PKD1: variants seen among roughly 807,000 people sequenced by gnomAD.
The protein encoded by PKD1 is polycystin 1, transient receptor potential channel interacting.
Under a neutral mutation model 361.7 loss-of-function variants are expected in PKD1, and 81 were observed. That is an observed-to-expected ratio of 0.22 (90% CI 0.19 to 0.27). The LOEUF is 0.27. Ranked by LOEUF, PKD1 falls within the 10% of genes least tolerant of loss-of-function variation. The pLI is 1.00. For missense variants in PKD1, 6,399 were observed against 6,118.3 expected (o/e 1.05, Z -1.53); for synonymous variants, 3,615 against 2,818.3 (o/e 1.28, Z -8.95).
Position 2,097,408 on chromosome 16 carries a change from C to G in PKD1, c.10316G>C (p.Arg3439Pro), listed in dbSNP as rs138546384. The G allele has an allele frequency of 6.2e-7, 1 of 1,609,924 alleles. No homozygotes were observed. The highest frequency in any genetic ancestry group is 8.5e-7 in the Non-Finnish European group (1 of 1,179,902). The change falls in exon 33 of 46, where the codon CGG (arginine) becomes CCG (proline). Residue 3439 changes from arginine (R) to proline (P), a missense_variant. By Grantham distance (103) the Arg-to-Pro change is moderately radical. Transcript: ENST00000262304. ...IVGSNLRQLARGQAGHGLGPE... is the reference protein window; with the variant it reads ...IVGSNLRQLAPGQAGHGLGPE... Reference sequence around the variant, plus strand: ...GCCCAGCCCATGGCCCGCCTGGCCCCGTGCCAGCTGCCGCAGATTGCTACC... The same window carrying G: ...GCCCAGCCCATGGCCCGCCTGGCCCGGTGCCAGCTGCCGCAGATTGCTACC...
Position 2,093,739 on chromosome 16 carries a change from C to T in PKD1, c.10822-1G>A. On this transcript the variant is annotated splice_acceptor_variant, in intron 36 of 45. Transcript: ENST00000262304. LOFTEE classifies it high-confidence loss of function. ...AGAAGTACAGGGCTTCCAGCAAGAC[C>T]TGGGGAGGGGGTGGCTTCAGAGGGG... The T allele has an allele frequency of 6.3e-7, 1 of 1,580,088 alleles. No individual in the cohort carries two copies. The highest frequency in any genetic ancestry group is 8.6e-7 in the Non-Finnish European group (1 of 1,162,430).
rs2369086 is a variant in PKD1 at position 2,107,117 on chromosome 16, T to C, written c.7066-169A>G. On this transcript the variant is annotated intron_variant, in intron 16 of 45. Transcript: ENST00000262304. ...CTCATCCGGTTTGCCACCTTCCAAC[T>C]TGGACGGCGGAAGGGCATACACAGG... 12,822 of 698,006 alleles carry C rather than the reference T, an allele frequency of 0.018. 227 individuals carry two copies. The highest frequency in any genetic ancestry group is 0.043 in the African/African-American group (2,363 of 54,536). The allele number at this position is 698,006 out of a possible 1,614,324, so 43.2% of individuals were successfully genotyped here. A position where few individuals can be genotyped will look rare whatever the true frequency, so the allele number is the denominator to read the frequency against.
At chr16:2,098,316 G>C (rs937566742) in intron 30 of PKD1, 6 of 398,896 alleles carry the variant, frequency 1.5e-5, no homozygotes, top group African/African-American at 2.1e-5. Context: ...TCAGGCGATT[G>C]TCCTGGCTCA....
chr16:2,114,957 C>A, intron 10 of PKD1, 32 bp from the exon 11 acceptor site: 1 of 1,526,144 alleles, frequency 6.6e-7, no homozygotes, highest in South Asian at 1.2e-5. Context: ...TGCATCACGT[C>A]CTCACGGTCA....
intron 1 of PKD1, among the ~76,000 whole-genome samples, chr16:2,129,777 C>G (rs2092846041): frequency 6.6e-6 from 1 of 151,636 alleles, no homozygotes; most frequent in African/African-American, 2.4e-5. Context: ...TGTCAAACTC[C>G]TGGGCTCAAG....
chr16:2,088,816 G>A lies in PKD1; in HGVS notation c.*911C>T, dbSNP rs1596466432. ...CCACAGAAGTGGTACACAGAAGCAG[G>A]CACAGCCAGCTCCGAGGGCCTTGAG... On this transcript the variant is annotated 3_prime_UTR_variant, in exon 46 of 46. Transcript: ENST00000262304. 1 of 684,456 alleles carries A rather than the reference G, an allele frequency of 1.5e-6. No individual in the cohort carries two copies. Among genetic ancestry groups the A allele is most frequent in the South Asian group, 1.9e-5 (1 of 52,374 alleles). The allele number at this position is 684,456 out of a possible 1,614,324, so 42.4% of individuals were successfully genotyped here.
Position 2,093,066 on chromosome 16 carries a change from G to A in PKD1, c.11044C>T (p.Leu3682=), listed in dbSNP as rs1341783425. The A allele has an allele frequency of 1.9e-6, 3 of 1,612,712 alleles. No homozygotes were observed. Among genetic ancestry groups the A allele is most frequent in the African/African-American group, 2.7e-5 (2 of 74,906 alleles). ...RSLLVYMLFL[L]VTLLASYGDA... is the part of the protein sequence containing the mutation. ...CCATAGCTGGCCAGCAGGGTCACCAGCAGAAAAAGCATGTACACCAGGAGG... is the reference window on the plus strand; with the variant it reads ...CCATAGCTGGCCAGCAGGGTCACCAACAGAAAAAGCATGTACACCAGGAGG... The change falls in exon 38 of 46, where the codon CTG becomes TTG. Residue 3682 remains leucine, a synonymous_variant. Coordinates refer to ENST00000262304, the MANE Select transcript of PKD1 (RefSeq NM_001009944.3).
chr16:2,102,354 G>C (rs2092129526), intron 25 of PKD1, 27 bp downstream of exon 25: 3 of 1,550,242 alleles, frequency 1.9e-6, no homozygotes, highest in Middle Eastern at 2.3e-4. Context: ...ACTCTGCAGA[G>C]GCTCCCAGGA....
At chr16:2,092,020 G>A (rs368634612) in intron 40 of PKD1, 27 bp downstream of exon 40, 24 of 1,612,580 alleles carry the variant, frequency 1.5e-5, no homozygotes, top group Non-Finnish European at 1.9e-5. Flanking sequence ...CCTTGGCGTA[G>A]ACGCCCGGGG....
intron 1 of PKD1, among the ~76,000 whole-genome samples, chr16:2,122,181 G>A (rs1185639251): frequency 3.9e-5 from 6 of 152,252 alleles, no homozygotes; most frequent in East Asian, 1.9e-4. Flanking sequence ...AGCCACGGAC[G>A]GTGGAGCCAG....
At position 2,093,732 on chromosome 16, in the gene PKD1, G is replaced by A. The variant is rs1270404168; in HGVS notation, c.10828C>T (p.Leu3610=). Residue 3610 remains leucine (L), a synonymous_variant, in exon 37 of 46, where the codon CTG becomes TTG. Transcript: ENST00000262304. ...ACCAGTGAGAAGTACAGGGCTTCCA[G>A]CAAGACCTGGGGAGGGGGTGGCTTC... The part of the protein sequence containing the change: ...FLGWEPLKVL[L]EALYFSLVAK... The A allele has an allele frequency of 6.3e-6, 10 of 1,583,264 alleles. No homozygotes were observed. Among genetic ancestry groups the A allele is most frequent in the South Asian group, 5.7e-5 (5 of 87,744 alleles).
Position 2,089,458 on chromosome 16 carries a change from C to T in PKD1, c.*269G>A, listed in dbSNP as rs752472135. ...GCACAGCCCGCTGTACCTGAGGACT[C>T]GGGGAAATAAATTAGCATCTCAGAG... On this transcript the variant is annotated 3_prime_UTR_variant, in exon 46 of 46. Coordinates refer to ENST00000262304, the MANE Select transcript of PKD1 (RefSeq NM_001009944.3). The T allele has an allele frequency of 4.3e-5, 23 of 540,350 alleles. No individual in the cohort carries two copies. Among genetic ancestry groups the T allele is most frequent in the Non-Finnish European group, 6.0e-5 (18 of 301,392 alleles). 33.5% of individuals were successfully genotyped at this position (540,350 alleles called of 1,614,324 possible).
chr16:2,109,381 T>G lies in PKD1; in HGVS notation c.5786A>C (p.Glu1929Ala). Reference sequence around the variant, plus strand: ...GGAGAAACGGGGCCCGGGGAGCACCTCGGGGTTGGCCCCGCCGACCTGCAG... The same window carrying G: ...GGAGAAACGGGGCCCGGGGAGCACCGCGGGGTTGGCCCCGCCGACCTGCAG... ...FRLQVGGANP[E>A]VLPGPRFSHS... The change falls in exon 15 of 46, where the codon GAG becomes GCG. Residue 1929 changes from glutamate (E) to alanine (A), a missense_variant. By Grantham distance (107) the Glu-to-Ala change is moderately radical (BLOSUM62 -1). Transcript: ENST00000262304. 2 of 1,596,612 alleles carry G rather than the reference T, an allele frequency of 1.3e-6. No individual in the cohort carries two copies. Among genetic ancestry groups the G allele is most frequent in the Non-Finnish European group, 1.7e-6 (2 of 1,177,016 alleles).
chr16:2,092,669 G>T (rs934982579), intron 38 of PKD1, 77 bp from the exon 39 acceptor site: 171 of 1,070,554 alleles, frequency 1.6e-4, no homozygotes, highest in Non-Finnish European at 2.3e-4. Context: ...CAGAGACCCA[G>T]GGAACATGGC....
At chr16:2,096,946 C>G (rs1322312597) in intron 34 of PKD1, 1 of 603,456 alleles carries the variant, frequency 1.7e-6, no homozygotes, top group East Asian at 2.8e-5. Flanking sequence ...TGCTCCCTCC[C>G]TAGAGGGAAG....
Position 2,090,584 on chromosome 16 carries a change from A to C in PKD1, c.12145T>G (p.Ser4049Ala), listed in dbSNP as rs1469945213. ...AYAQLAILLV[S>A]SCVDSLWSVA... ...CTCCAGAGGGAGTCCACACAGGAAG[A>C]CACGAGCTGCGGGGAAGGCGACACC... Residue 4049 changes from serine to alanine, a missense_variant, in exon 45 of 46, where the codon TCT becomes GCT. Ser to Ala is a moderately conservative substitution (Grantham distance 99, BLOSUM62 1). Coordinates refer to ENST00000262304, the MANE Select transcript of PKD1 (RefSeq NM_001009944.3). 2 of 1,608,818 alleles carry C rather than the reference A, an allele frequency of 1.2e-6. No homozygotes were observed. The highest frequency in any genetic ancestry group is 1.7e-6 in the Non-Finnish European group (2 of 1,179,732).
In PKD1 at chr16:2,102,483, C is replaced by T. The variant is rs1176399608; in HGVS notation, c.9099G>A (p.Leu3033=). 6.4e-7 allele frequency: 1 copy of T among 1,570,972 alleles called. No homozygotes were observed. Among genetic ancestry groups the T allele is most frequent in the Non-Finnish European group, 8.6e-7 (1 of 1,159,978 alleles). The change falls in exon 25 of 46, where the codon CTG becomes CTA. Residue 3033 remains leucine (L), a synonymous_variant. Transcript: ENST00000262304. The part of the protein sequence containing the change: ...MVWRTEGLLP[L]EETSPRQAVC... The stretch of plus-strand genomic sequence containing the variant: ...CGGCCTGGCGGGGCGAGGTCTCCTC[C>T]AGGGGCAGCAGCCCCTCTGTCCGCC...
At chr16:2,129,168 T>G (rs993008713) in intron 1 of PKD1, among the ~76,000 whole-genome samples, 18 of 149,706 alleles carry the variant, frequency 1.2e-4, no homozygotes, top group Non-Finnish European at 1.8e-4. Flanking sequence ...CCCTGTTTTT[T>G]TTTTTTTTTT....
chr16:2,105,029 A>G (rs1339532559), intron 21 of PKD1, among the ~76,000 whole-genome samples: 9 of 32,232 alleles, frequency 2.8e-4, no homozygotes, highest in East Asian at 1.9e-3. Context: ...TAGGGGAGGG[A>G]AGGGGGAGGG....
Sources: allele counts gnomAD v4.1 joint callset (sites outside exome capture counted in the v4.1 genomes callset), GRCh38; gene constraint gnomAD v4.1.1; transcripts MANE v1.5; gene names NCBI Gene and HGNC (gene_info 2026-07-23, HGNC 2026-07-21).